SFXN5: variants seen among roughly 807,000 people sequenced by gnomAD.
The protein encoded by SFXN5 is sideroflexin 5, also known as sideroflexin-5.
SFXN5 carries 43 observed loss-of-function variants against 50.2 expected under a neutral mutation model. The ratio of observed to expected loss-of-function variants is 0.86; its 90% CI spans 0.67 to 1.11. The LOEUF is 1.11. Ranked by LOEUF, SFXN5 falls within the 50% of genes least tolerant of loss-of-function variation. The probability of loss-of-function intolerance (pLI) is 0.00; values close to 1 mark genes in which losing one functional copy is unlikely to be tolerated. For synonymous variants in SFXN5, 203 were observed against 185.8 expected (o/e 1.09, Z -0.75); for missense variants, 463 against 454.1 (o/e 1.02, Z -0.18).
intron 3 of SFXN5, among the ~76,000 whole-genome samples, chr2:73,036,664 G>A (rs910136915): frequency 6.6e-6 from 1 of 152,170 alleles, no homozygotes; most frequent in Non-Finnish European, 1.5e-5. Flanking sequence ...AGCTGGAAGG[G>A]GTCCCAAGAG....
intron 2 of SFXN5, among the ~76,000 whole-genome samples, chr2:73,054,946 CTAAAA>C (rs1360156467): frequency 2.0e-5 from 3 of 152,250 alleles, no homozygotes; most frequent in Non-Finnish European, 4.4e-5. Flanking sequence ...AGGTAAGCAA[CTAAAA>C]TACCTATGCC....
At chr2:73,033,866 A>G (rs866367513) in intron 3 of SFXN5, among the ~76,000 whole-genome samples, 34 of 152,202 alleles carry the variant, frequency 2.2e-4, no homozygotes, top group Non-Finnish European at 1.2e-4. Context: ...TTTGATTGTC[A>G]TGACTGGGGA....
intron 3 of SFXN5, among the ~76,000 whole-genome samples, chr2:73,031,753 C>G (rs193261127): frequency 1.1e-3 from 161 of 152,306 alleles, no homozygotes; most frequent in African/African-American, 3.5e-3. Flanking sequence ...TTGGGCTGAT[C>G]CCATCACCAG....
intron 10 of SFXN5, among the ~76,000 whole-genome samples, chr2:72,980,566 T>C (rs956054371): frequency 2.6e-5 from 4 of 152,178 alleles, no homozygotes; most frequent in Non-Finnish European, 4.4e-5. Context: ...CAACCCATAT[T>C]GAAGTGTCAC....
At chr2:72,993,332 C>T (rs1396298914) in intron 9 of SFXN5, among the ~76,000 whole-genome samples, 1 of 152,180 alleles carries the variant, frequency 6.6e-6, no homozygotes, top group Non-Finnish European at 1.5e-5. Context: ...CAATTGTTCC[C>T]CAACCCCAGC....
rs760719536 is a variant in SFXN5 at position 73,020,242 on chromosome 2, T to G, written c.354A>C (p.Pro118=). ...RMSGYIPFGT[P]IVVGLLLPNQ... ...ATCCTTTGAAGGTAACACTTACAAT[T>G]GGCGTCCCAAAAGGAATATAACCTG... The change falls in exon 6 of 14, where the codon CCA becomes CCC. Residue 118 remains proline (P), a synonymous_variant. Transcript: ENST00000272433. 2.5e-6 allele frequency: 4 copies of G among 1,613,884 alleles called. No individual in the cohort carries two copies. The African/African-American group carries it at 5.3e-5, about 22-fold the overall frequency.
chr2:73,005,315 G>A (rs911714655), intron 6 of SFXN5, among the ~76,000 whole-genome samples: 5 of 152,200 alleles, frequency 3.3e-5, no homozygotes, highest in African/African-American at 7.2e-5. Flanking sequence ...CTGCACATCC[G>A]TCTGTACCTT....
At chr2:73,043,677 GGA>G (rs1679937692) in intron 2 of SFXN5, among the ~76,000 whole-genome samples, 1 of 152,174 alleles carries the variant, frequency 6.6e-6, no homozygotes. Context: ...TTTCCAAAGT[GGA>G]GATAGCTTTG....
At chr2:73,000,510 G>A in intron 7 of SFXN5, 23 bp from the exon 8 acceptor site, 1 of 1,554,142 alleles carries the variant, frequency 6.4e-7, no homozygotes, top group Non-Finnish European at 8.7e-7. Context: ...GATGAGAGAA[G>A]TCAGGGAAGG....
chr2:72,956,254 G>A (rs1673075539), intron 13 of SFXN5, among the ~76,000 whole-genome samples: 1 of 152,208 alleles, frequency 6.6e-6, no homozygotes, highest in Non-Finnish European at 1.5e-5. Flanking sequence ...GGGAGCCCAG[G>A]ACCTGTTCCC....
chr2:73,005,989 G>A (rs141412312), intron 6 of SFXN5, among the ~76,000 whole-genome samples: 17 of 152,156 alleles, frequency 1.1e-4, no homozygotes, highest in African/African-American at 2.2e-4. Context: ...CCCTTGCCAC[G>A]GCCTCATCAC....
intron 13 of SFXN5, chr2:72,957,139 T>C (rs1441969551): frequency 6.7e-6 from 3 of 449,542 alleles, no homozygotes; most frequent in African/African-American, 2.0e-5. Flanking sequence ...CAGCTTCAAC[T>C]CCCCCCCATA....
rs575718537 is a variant in SFXN5, at chr2:73,005,191, C to T, written c.358-3613G>A. 2.6e-5 allele frequency among the ~76,000 whole-genome samples: 4 copies of T among 152,344 alleles called. No homozygotes were observed. The South Asian group carries it at 8.3e-4, about 32-fold the overall frequency. ...TATGATTTCTAGCCCAGCCTCCACC[C>T]TATCGCGCTGCAGGACCTTGGCCAA... On this transcript the variant is annotated intron_variant, in intron 6 of 13. Transcript: ENST00000272433.
At chr2:73,026,861 T>C (rs1009034964) in intron 3 of SFXN5, among the ~76,000 whole-genome samples, 7 of 152,162 alleles carry the variant, frequency 4.6e-5, no homozygotes, top group Non-Finnish European at 8.8e-5. Context: ...CCCGAGTAGC[T>C]GGGATTACAG....
chr2:73,030,338 G>C (rs1678145532), intron 3 of SFXN5, among the ~76,000 whole-genome samples: 1 of 151,892 alleles, frequency 6.6e-6, no homozygotes, highest in South Asian at 2.1e-4. Context: ...CAAAACCCTT[G>C]AATGAATGAA....
rs544661959 is a variant in SFXN5, at chr2:72,983,871, ACT to A, written c.625+4385_625+4386del. Among the ~76,000 whole-genome samples the A allele has an allele frequency of 2.8e-3, 418 of 151,934 alleles. 8 individuals are homozygous for A. The highest frequency in any genetic ancestry group is 5.6e-4 in the Non-Finnish European group (38 of 67,936). ...GTGGGGCCGGCAACCCCTGGAACAG[ACT>A]CTGCTCACAGAGACTGGTGGCTAGA... is the stretch of plus-strand genomic sequence containing the variant. On this transcript the variant is annotated intron_variant, in intron 10 of 13. Coordinates refer to ENST00000272433, the MANE Select transcript of SFXN5 (RefSeq NM_144579.3).
At chr2:73,054,070 C>T (rs1681758694) in intron 2 of SFXN5, among the ~76,000 whole-genome samples, 1 of 152,128 alleles carries the variant, frequency 6.6e-6, no homozygotes. Flanking sequence ...AGACGAGAGC[C>T]AATGAGGAGT....
In SFXN5 at chr2:72,945,091, TG is replaced by T; in HGVS notation, c.953del (p.Thr318AsnfsTer4). On this transcript the variant is annotated frameshift_variant, in exon 14 of 14. Coordinates refer to ENST00000272433, the MANE Select transcript of SFXN5 (RefSeq NM_144579.3). LOFTEE classifies it high-confidence loss of function. This position sits in a 1 kb window ranked among gnomAD's most constrained non-coding sequence, Gnocchi z 5.8. The part of the protein sequence containing the change: ...SLFPQMSEIE[T>X]SQLEPEIAQA... The stretch of plus-strand genomic sequence containing the variant: ...GGGCTATCTCCGGCTCTAATTGGGA[TG>T]TTTCAATCTGTGGAGAGAGAACAGA... The T allele has an allele frequency of 6.2e-7, 1 of 1,613,842 alleles. No homozygotes were observed. The highest frequency in any genetic ancestry group is 8.5e-7 in the Non-Finnish European group (1 of 1,179,860).
At chr2:73,004,276 C>T (rs1230548095) in intron 6 of SFXN5, among the ~76,000 whole-genome samples, 2 of 151,064 alleles carry the variant, frequency 1.3e-5, no homozygotes, top group Non-Finnish European at 2.9e-5. Flanking sequence ...CCTTGCTGCT[C>T]CCAATGGAGA....
Sources: gnomAD v4.1 joint callset for allele counts (sites outside exome capture counted in the v4.1 genomes callset) on GRCh38, gnomAD v4.1.1 for gene constraint, Gnocchi (gnomAD v3.1) non-coding constraint, MANE v1.5 for transcripts, NCBI Gene and HGNC (gene_info 2026-07-23, HGNC 2026-07-21) for gene names.